Variants in PAX5 observed in about 807,000 individuals in gnomAD.
PAX5 encodes the protein paired box protein Pax-5.
A neutral mutation model predicts 43.7 loss-of-function variants in PAX5; 9 were observed. The ratio of observed to expected loss-of-function variants is 0.21; its 90% CI spans 0.12 to 0.36. PAX5 has a LOEUF of 0.36. PAX5 is among the 10% of genes least tolerant of loss of function. PAX5 has a pLI of 1.00. For missense variants in PAX5, 383 were observed against 532.7 expected (o/e 0.72, Z 2.77); for synonymous variants, 228 against 214.3 (o/e 1.06, Z -0.56).
chr9:36,956,693 AAGC>A (rs1833512043), intron 6 of PAX5, among the ~76,000 whole-genome samples: 2 of 152,224 alleles, frequency 1.3e-5, no homozygotes, highest in African/African-American at 4.8e-5. Flanking sequence ...AATATTTCAA[AAGC>A]TACTTAGAGA....
chr9:36,871,169 T>C (rs1825448543), intron 8 of PAX5, among the ~76,000 whole-genome samples: 1 of 152,172 alleles, frequency 6.6e-6, no homozygotes, highest in Non-Finnish European at 1.5e-5. Context: ...GTCAGGCTGC[T>C]CTGCCACCTG....
rs773296102 is a variant in PAX5, at chr9:36,840,584, G to A, written c.1152C>T (p.Ala384=). The A allele has an allele frequency of 4.0e-5, 63 of 1,586,960 alleles. No homozygotes were observed. In the Middle Eastern group the frequency reaches 5.0e-4, roughly 13 times the overall value. Residue 384 remains alanine, a synonymous_variant, in exon 10 of 10, where the codon GCC becomes GCT. Coordinates refer to ENST00000358127, the MANE Select transcript of PAX5 (RefSeq NM_016734.3). ...AAARGAAPPA[A]ATAYDRH is the part of the protein sequence containing the mutation. Reference sequence around the variant, plus strand: ...GTCAGTGACGGTCATAGGCAGTGGCGGCTGCAGGTGGGGCGGCTCCTCGGG... The same window carrying A: ...GTCAGTGACGGTCATAGGCAGTGGCAGCTGCAGGTGGGGCGGCTCCTCGGG...
At chr9:37,026,433 G>T in intron 1 of PAX5, 1 of 1,031,902 alleles carries the variant, frequency 9.7e-7, no homozygotes, top group Non-Finnish European at 1.3e-6. Context: ...CGGCTGCAGA[G>T]GTCCGAGATC....
At chr9:36,987,008 G>A (rs1836492461) in intron 5 of PAX5, among the ~76,000 whole-genome samples, 1 of 152,192 alleles carries the variant, frequency 6.6e-6, no homozygotes, top group Non-Finnish European at 1.5e-5. Context: ...TGCTGACGCT[G>A]TGCCGAGCCA....
chr9:37,018,570 C>CAAAAAAAAAAAAAAAAAAAAA lies in PAX5; in HGVS notation c.212+2065_212+2066insTTTTTTTTTTTTTTTTTTTTT, dbSNP rs1222049885. 1.1e-4 allele frequency among the ~76,000 whole-genome samples: 8 copies of CAAAAAAAAAAAAAAAAAAAAA among 71,004 alleles called. No homozygotes were observed. The South Asian group carries it at 1.6e-3, about 14-fold the overall frequency. 46.6% of individuals were successfully genotyped at this position (71,004 alleles called of 152,430 possible). A position where few individuals can be genotyped will look rare whatever the true frequency, so the allele number is the denominator to read the frequency against. Reference sequence around the variant, plus strand: ...TGTGCCCATCAAATTCTTCAGTGACCAAAAAAAAAAAAAAAAAATCTGTGG... The same window carrying CAAAAAAAAAAAAAAAAAAAAA: ...TGTGCCCATCAAATTCTTCAGTGACCAAAAAAAAAAAAAAAAAAAAAAAAAAAAAAAAAAAAAAATCTGTGG... On this transcript the variant is annotated intron_variant, in intron 2 of 9. Transcript: ENST00000358127.
At chr9:36,932,578 G>A (rs1240764341) in intron 6 of PAX5, among the ~76,000 whole-genome samples, 1 of 152,202 alleles carries the variant, frequency 6.6e-6, no homozygotes, top group Non-Finnish European at 1.5e-5. Flanking sequence ...TGGGATCAGA[G>A]ATTAACTATA....
intron 5 of PAX5, among the ~76,000 whole-genome samples, chr9:36,980,154 T>C (rs1835790087): frequency 6.6e-6 from 1 of 152,188 alleles, no homozygotes; most frequent in Non-Finnish European, 1.5e-5. Context: ...AGACTATGCT[T>C]AGGGAAATCA....
At chr9:36,908,208 A>AG (rs1296191196) in intron 7 of PAX5, among the ~76,000 whole-genome samples, 1 of 151,692 alleles carries the variant, frequency 6.6e-6, no homozygotes, top group African/African-American at 2.4e-5. Flanking sequence ...CAAAAAAAAA[A>AG]AAAGAAGACT....
chr9:37,025,682 T>C (rs1840273103), intron 1 of PAX5, among the ~76,000 whole-genome samples: 1 of 152,124 alleles, frequency 6.6e-6, no homozygotes, highest in Non-Finnish European at 1.5e-5. Flanking sequence ...GCTGTGGTAA[T>C]GGGTGAATTG....
intron 5 of PAX5, among the ~76,000 whole-genome samples, chr9:36,975,807 CT>C (rs573835870): frequency 7.9e-5 from 12 of 152,330 alleles, no homozygotes; most frequent in South Asian, 4.1e-4. Flanking sequence ...AGCATAACCC[CT>C]GACACATAGT....
chr9:36,916,139 C>G (rs1283372648), intron 7 of PAX5, among the ~76,000 whole-genome samples: 1 of 151,722 alleles, frequency 6.6e-6, no homozygotes, highest in Non-Finnish European at 1.5e-5. Context: ...TTTGTTCAAC[C>G]TGAATCTTAT....
At chr9:36,923,037 C>T (rs1830302611) in intron 7 of PAX5, 1 of 308,300 alleles carries the variant, frequency 3.2e-6, no homozygotes, top group South Asian at 1.1e-4. Context: ...AAGAAATAAA[C>T]CCTAGGCCTC....
chr9:36,857,222 A>G (rs1823767821), intron 8 of PAX5, among the ~76,000 whole-genome samples: 1 of 152,210 alleles, frequency 6.6e-6, no homozygotes, highest in Non-Finnish European at 1.5e-5. Flanking sequence ...ATCTCTCCCC[A>G]AGTTTCTAAA....
At chr9:37,027,457 T>C (rs1417371384) in intron 1 of PAX5, among the ~76,000 whole-genome samples, 3 of 152,206 alleles carry the variant, frequency 2.0e-5, no homozygotes, top group Non-Finnish European at 4.4e-5. Flanking sequence ...GATTCCACTG[T>C]CTTTCCGCTG....
At chr9:37,006,590 A>T in intron 3 of PAX5, 53 bp from the exon 4 acceptor site, 1 of 1,421,488 alleles carries the variant, frequency 7.0e-7, no homozygotes. Flanking sequence ...AGGAGAAGAG[A>T]CCTCAACCAG....
At chr9:37,013,620 C>T (rs1588229422) in intron 3 of PAX5, among the ~76,000 whole-genome samples, 1 of 152,256 alleles carries the variant, frequency 6.6e-6, no homozygotes, top group East Asian at 1.9e-4. Context: ...ATCCCCTCCT[C>T]CCCAAAACCT....
At chr9:36,891,929 C>A (rs1400601914) in intron 7 of PAX5, among the ~76,000 whole-genome samples, 1 of 152,184 alleles carries the variant, frequency 6.6e-6, no homozygotes, top group East Asian at 1.9e-4. Context: ...ATTGACCGCA[C>A]CCACCTCCCT....
At chr9:36,852,939 A>C (rs567088136) in intron 8 of PAX5, among the ~76,000 whole-genome samples, 29 of 152,336 alleles carry the variant, frequency 1.9e-4, no homozygotes, top group Admixed American at 1.0e-3. Context: ...GGGCCAGCAG[A>C]GGAAAGGGAA....
At chr9:37,030,316 G>A (rs1347480352) in intron 1 of PAX5, among the ~76,000 whole-genome samples, 1 of 152,186 alleles carries the variant, frequency 6.6e-6, no homozygotes, top group African/African-American at 2.4e-5. Flanking sequence ...CTCATACCGT[G>A]ACCACCTAGC....
Sources: gnomAD v4.1 joint callset for allele counts (sites outside exome capture counted in the v4.1 genomes callset) on GRCh38, gnomAD v4.1.1 for gene constraint, MANE v1.5 for transcripts, NCBI Gene and HGNC (gene_info 2026-07-23, HGNC 2026-07-21) for gene names.